The following DGKD variants were observed in gnomAD, a reference collection of about 807,000 sequenced individuals.
DGKD encodes diacylglycerol kinase delta.
In DGKD, 68 loss-of-function variants were observed where a neutral mutation model predicts 154.4. The observed-to-expected ratio is 0.44, with a 90% CI of 0.36 to 0.54. DGKD has a LOEUF of 0.54. Ranked by LOEUF, DGKD falls within the 20% of genes least tolerant of loss-of-function variation. DGKD has a pLI of 0.00. For missense variants in DGKD, 1,343 were observed against 1,593.6 expected (o/e 0.84, Z 2.68); for synonymous variants, 693 against 638.0 (o/e 1.09, Z -1.30).
chr2:233,464,067 A>G, intron 26 of DGKD, 97 bp from the exon 27 acceptor site: 1 of 1,535,906 alleles, frequency 6.5e-7, no homozygotes, highest in Non-Finnish European at 8.9e-7. Context: ...TGATCAGAGC[A>G]GAGCAGAGCC....
chr2:233,436,558 C>G (rs1005904602), intron 7 of DGKD, 117 bp downstream of exon 7: 2 of 1,408,966 alleles, frequency 1.4e-6, no homozygotes, highest in African/African-American at 2.9e-5. Flanking sequence ...CCAGAGGCCC[C>G]TCCGGCTGAG....
chr2:233,366,085 T>C (rs1702015300), intron 1 of DGKD, among the ~76,000 whole-genome samples: 1 of 152,144 alleles, frequency 6.6e-6, no homozygotes, highest in Admixed American at 6.6e-5. Flanking sequence ...ATCTTGGGGC[T>C]GAAAGAAGGC....
In DGKD at chr2:233,449,185, C is replaced by T. The variant is rs573286980; in HGVS notation, c.1697C>T (p.Pro566Leu). Reference protein sequence around the residue: ...ESQASSSLPNPPPTIAEEAED... With the variant: ...ESQASSSLPNLPPTIAEEAED... ...CAGGCCTCGTCCTCTCTGCCCAACCCGCCCCCCACCATTGCCGAGGAGGCT... is the reference window on the plus strand; with the variant it reads ...CAGGCCTCGTCCTCTCTGCCCAACCTGCCCCCCACCATTGCCGAGGAGGCT... Residue 566 changes from proline to leucine, a missense_variant, in exon 15 of 30, where the codon CCG becomes CTG. Physicochemically the swap from Pro to Leu is moderately conservative, Grantham distance 98. Around this residue, in one of 6 missense-constraint regions of DGKD, gnomAD observed 409 missense variants for 446.0 expected, o/e 0.92. Coordinates refer to ENST00000264057, the MANE Select transcript of DGKD (RefSeq NM_152879.3). The surrounding 1 kb of genome is among the most constrained non-coding windows in gnomAD (Gnocchi z 5.3). 22 of 1,613,712 alleles carry T rather than the reference C, an allele frequency of 1.4e-5. No individual in the cohort carries two copies. Among genetic ancestry groups the T allele is most frequent in the African/African-American group, 2.7e-5 (2 of 75,042 alleles).
intron 3 of DGKD, among the ~76,000 whole-genome samples, chr2:233,416,591 A>G (rs977040238): frequency 9.8e-5 from 15 of 152,312 alleles, no homozygotes; most frequent in African/African-American, 3.6e-4. Flanking sequence ...CTTTGGGTAT[A>G]TGCAGATTTA....
chr2:233,359,575 C>G (rs1482401264), intron 1 of DGKD, among the ~76,000 whole-genome samples: 1 of 150,882 alleles, frequency 6.6e-6, no homozygotes, highest in Admixed American at 6.6e-5. Context: ...GAGTCTCCAT[C>G]TCTCGGCTCC....
rs2063942133 is a variant in DGKD, at chr2:233,469,532, G to C, written c.*72G>C. On this transcript the variant is annotated 3_prime_UTR_variant, in exon 30 of 30. Transcript: ENST00000264057. Reference sequence around the variant, plus strand: ...CTAGCCTCCGCCCTCTCAGCCTGTGGCCTCTGCGCCTCCTGCCACTGAGGC... The same window carrying C: ...CTAGCCTCCGCCCTCTCAGCCTGTGCCCTCTGCGCCTCCTGCCACTGAGGC... The C allele has an allele frequency of 3.0e-6, 4 of 1,327,014 alleles. No individual in the cohort carries two copies. The highest frequency in any genetic ancestry group is 4.2e-6 in the Non-Finnish European group (4 of 950,738). 82.2% of individuals were successfully genotyped at this position (1,327,014 alleles called of 1,614,324 possible). A position where few individuals can be genotyped will look rare whatever the true frequency, so the allele number is the denominator to read the frequency against.
In DGKD at chr2:233,362,565, C is replaced by T. The variant is rs773925906; in HGVS notation, c.156+7891C>T. ...ACTCGGGAGGCTGAGGCAGGAGCAT[C>T]GCTTGAACCTGGGAAGTGGAAGTTG... On this transcript the variant is annotated intron_variant, in intron 1 of 29. Coordinates refer to ENST00000264057, the MANE Select transcript of DGKD (RefSeq NM_152879.3). 4.6e-5 allele frequency among the ~76,000 whole-genome samples: 7 copies of T among 152,118 alleles called. No individual in the cohort carries two copies. The South Asian group carries it at 6.2e-4, about 14-fold the overall frequency.
At chr2:233,396,435 C>A (rs1202500378) in intron 3 of DGKD, among the ~76,000 whole-genome samples, 1 of 130,222 alleles carries the variant, frequency 7.7e-6, no homozygotes, top group Admixed American at 7.6e-5. Flanking sequence ...GTGGGCCACA[C>A]ACCATGCTGA....
At chr2:233,439,241 C>A (rs778972469) in intron 9 of DGKD, among the ~76,000 whole-genome samples, 3 of 152,188 alleles carry the variant, frequency 2.0e-5, no homozygotes, top group Non-Finnish European at 4.4e-5. Flanking sequence ...GTGGTCTGGC[C>A]TGTATTTCTC....
Position 233,370,985 on chromosome 2 carries a change from C to T in DGKD, c.156+16311C>T, listed in dbSNP as rs142039713. On this transcript the variant is annotated intron_variant, in intron 1 of 29. Coordinates refer to ENST00000264057, the MANE Select transcript of DGKD (RefSeq NM_152879.3). The stretch of plus-strand genomic sequence containing the variant: ...CAGGTTGGTCTCGAACACTCGGGCT[C>T]AAGTGATCTTCTTGCCTTGGCCTCC... Among the ~76,000 whole-genome samples, 482 of 147,936 alleles carry T rather than the reference C, an allele frequency of 3.3e-3. 1 individual carries two copies. The highest frequency in any genetic ancestry group is 0.012 in the African/African-American group (447 of 38,624).
In DGKD at chr2:233,434,478, C is replaced by T. The variant is rs931912377; in HGVS notation, c.447C>T (p.His149=). ...AALKTVQNRE[H]FEPTQYSMDH... Reference sequence around the variant, plus strand: ...TAAAGACTGTGCAGAACAGGGAGCACTTTGAGGTTAAAAAAGAAAATACCC... The same window carrying T: ...TAAAGACTGTGCAGAACAGGGAGCATTTTGAGGTTAAAAAAGAAAATACCC... The change falls in exon 4 of 30, where the codon CAC becomes CAT. Residue 149 remains histidine (H), a synonymous_variant. Transcript: ENST00000264057. 1 of 1,613,752 alleles carries T rather than the reference C, an allele frequency of 6.2e-7. No individual in the cohort carries two copies. The highest frequency in any genetic ancestry group is 8.5e-7 in the Non-Finnish European group (1 of 1,179,872).
chr2:233,469,408 T>G lies in DGKD; in HGVS notation c.3593T>G (p.Ile1198Ser). ...GVTKVGHMKRILCGIKELSRS... is the reference protein window; with the variant it reads ...GVTKVGHMKRSLCGIKELSRS... ...ACCAAGGTGGGCCACATGAAGAGGATCCTGTGTGGCATCAAGGAGCTGAGC... is the reference window on the plus strand; with the variant it reads ...ACCAAGGTGGGCCACATGAAGAGGAGCCTGTGTGGCATCAAGGAGCTGAGC... Residue 1198 changes from isoleucine (I) to serine (S), a missense_variant, in exon 30 of 30, where the codon ATC becomes AGC. Coordinates refer to ENST00000264057, the MANE Select transcript of DGKD (RefSeq NM_152879.3). The G allele has an allele frequency of 6.2e-7, 1 of 1,611,782 alleles. No homozygotes were observed. The highest frequency in any genetic ancestry group is 8.5e-7 in the Non-Finnish European group (1 of 1,179,264).
rs766760423 is a variant in DGKD at position 233,354,685 on chromosome 2, G to T, written c.156+11G>T. On this transcript the variant is annotated intron_variant, in intron 1 of 29. Coordinates refer to ENST00000264057, the MANE Select transcript of DGKD (RefSeq NM_152879.3). The surrounding 1 kb of genome is among the most constrained non-coding windows in gnomAD (Gnocchi z 4.8). ...CAGATCCGACAGAAGGTGAGCCCGC[G>T]GCGCGGCGGCCCGGGCGCGCGCCCC... 1.3e-5 allele frequency: 13 copies of T among 993,742 alleles called. No homozygotes were observed. The highest frequency in any genetic ancestry group is 1.6e-5 in the Non-Finnish European group (13 of 834,558). 61.6% of individuals were successfully genotyped at this position (993,742 alleles called of 1,614,324 possible).
chr2:233,425,181 A>T (rs2062252580), intron 3 of DGKD, among the ~76,000 whole-genome samples: 1 of 151,054 alleles, frequency 6.6e-6, no homozygotes, highest in South Asian at 2.1e-4. Context: ...GTAAGACTTT[A>T]TTTTTATTTA....
chr2:233,388,393 C>G (rs150864006), intron 2 of DGKD, 26 bp downstream of exon 2: 3 of 1,599,182 alleles, frequency 1.9e-6, no homozygotes, highest in Admixed American at 1.8e-5. Context: ...GGAAAGCACA[C>G]GCGAGGACAT....
intron 1 of DGKD, among the ~76,000 whole-genome samples, chr2:233,386,761 C>T (rs941521684): frequency 6.6e-6 from 1 of 152,192 alleles, no homozygotes; most frequent in Admixed American, 6.5e-5. Flanking sequence ...CGCTGATCCT[C>T]TAGAGTTGGA....
chr2:233,355,078 C>T (rs562556803), intron 1 of DGKD, among the ~76,000 whole-genome samples: 33 of 152,196 alleles, frequency 2.2e-4, no homozygotes, highest in Admixed American at 3.9e-4. Flanking sequence ...GGTCCCCAAA[C>T]CCCGGTTCTG....
chr2:233,460,049 C>T (rs1270177115), intron 23 of DGKD, 145 bp from the exon 24 acceptor site: 11 of 1,454,504 alleles, frequency 7.6e-6, no homozygotes, highest in Non-Finnish European at 1.0e-5. Context: ...ATTTCTAGGA[C>T]CATCTCCTTC....
chr2:233,405,247 A>G (rs950403879), intron 3 of DGKD, among the ~76,000 whole-genome samples: 1 of 152,218 alleles, frequency 6.6e-6, no homozygotes, highest in Non-Finnish European at 1.5e-5. Context: ...TGCTGGGTGC[A>G]GTGGCTCACG....
Sources: allele counts gnomAD v4.1 joint callset (sites outside exome capture counted in the v4.1 genomes callset), GRCh38; gene constraint gnomAD v4.1.1; regional missense constraint gnomAD v4.1.1; non-coding constraint Gnocchi (gnomAD v3.1); transcripts MANE v1.5; gene names NCBI Gene and HGNC (gene_info 2026-07-23, HGNC 2026-07-21).